The following ECT2L variants were observed in gnomAD, a reference collection of about 807,000 sequenced individuals.
ECT2L encodes the protein epithelial cell-transforming sequence 2 oncogene-like.
Under a neutral mutation model 122.8 loss-of-function variants are expected in ECT2L, and 126 were observed. The ratio of observed to expected loss-of-function variants is 1.03; its 90% CI spans 0.89 to 1.19. ECT2L has a LOEUF of 1.19. Among genes scored for constraint, ECT2L ranks in the 50% most tolerant of loss-of-function variants. The pLI, the probability that ECT2L is intolerant of heterozygous loss-of-function variation, is 0.00. For synonymous variants in ECT2L, 385 were observed against 381.8 expected, an observed-to-expected ratio of 1.01 and a Z score of -0.10; for missense variants, 1,012 against 1,064.1, an observed-to-expected ratio of 0.95 and a Z score of 0.68.
intron 16 of ECT2L, among the ~76,000 whole-genome samples, chr6:138,884,030 A>T (rs1467205908): frequency 1.3e-5 from 2 of 151,902 alleles, no homozygotes; most frequent in Admixed American, 6.6e-5. Flanking sequence ...CACCTGGCTA[A>T]TTTTTTTGTA....
intron 1 of ECT2L, among the ~76,000 whole-genome samples, chr6:138,799,411 G>A (rs1424354342): frequency 5.3e-5 from 8 of 151,886 alleles, no homozygotes; most frequent in Admixed American, 3.3e-4. Context: ...CCGCCACCAC[G>A]CCCGGCTTAT....
intron 1 of ECT2L, among the ~76,000 whole-genome samples, chr6:138,809,299 T>C (rs1016569233): frequency 1.2e-4 from 19 of 152,294 alleles, no homozygotes; most frequent in Admixed American, 8.5e-4. Flanking sequence ...GCGGGGCTCA[T>C]ACCTGTAATC....
At chr6:138,813,876 G>C (rs759430295) in intron 3 of ECT2L, among the ~76,000 whole-genome samples, 1 of 152,104 alleles carries the variant, frequency 6.6e-6, no homozygotes, top group African/African-American at 2.4e-5. Flanking sequence ...GACCAGGCTG[G>C]GACTAAAGCC....
chr6:138,886,270 T>G (rs1778817851), intron 18 of ECT2L, among the ~76,000 whole-genome samples: 1 of 152,042 alleles, frequency 6.6e-6, no homozygotes, highest in African/African-American at 2.4e-5. Context: ...CTGAAAATAT[T>G]ATTATTATAT....
intron 11 of ECT2L, among the ~76,000 whole-genome samples, chr6:138,863,950 C>T (rs1384100633): frequency 7.3e-6 from 1 of 137,292 alleles, no homozygotes; most frequent in African/African-American, 2.7e-5. Context: ...CTCTGCCTTC[C>T]TTTCCTCCTG....
chr6:138,834,898 C>CAT (rs1776769296), intron 4 of ECT2L, among the ~76,000 whole-genome samples: 1 of 101,484 alleles, frequency 9.9e-6, no homozygotes, highest in African/African-American at 4.7e-5. Context: ...CCCGTTTACA[C>CAT]ACACACACAC....
At position 138,878,278 on chromosome 6, in the gene ECT2L, T is replaced by A. The variant is rs111257328; in HGVS notation, c.1665+1720T>A. ...ATGAGAATTCTCCAATTGAACAAGG[T>A]ATGCAAGGATTTAGATACATATATA... On this transcript the variant is annotated intron_variant, in intron 14 of 21. Coordinates refer to ENST00000541398, the MANE Select transcript of ECT2L (RefSeq NM_001077706.3). Among the ~76,000 whole-genome samples, 528 of 150,320 alleles carry A rather than the reference T, an allele frequency of 3.5e-3. 5 individuals are homozygous for A. Among genetic ancestry groups the A allele is most frequent in the African/African-American group, 0.012 (504 of 40,684 alleles).
At chr6:138,865,815 A>G (rs1357463932) in intron 12 of ECT2L, among the ~76,000 whole-genome samples, 1 of 152,172 alleles carries the variant, frequency 6.6e-6, no homozygotes, top group Non-Finnish European at 1.5e-5. Flanking sequence ...GCAACTACTC[A>G]TATCTATTCA....
At chr6:138,858,035 G>A (rs1328642198) in intron 10 of ECT2L, among the ~76,000 whole-genome samples, 1 of 152,142 alleles carries the variant, frequency 6.6e-6, no homozygotes, top group Non-Finnish European at 1.5e-5. Context: ...ACGAGAAGAG[G>A]ATGGGGGAGA....
chr6:138,833,140 C>G lies in ECT2L; in HGVS notation c.180-5212C>G, dbSNP rs372820482. ...CCACCTCCATGATCCACTCACCCAC[C>G]ACCAGGTCCCTCCCTTGACATGTGG... On this transcript the variant is annotated intron_variant, in intron 4 of 21. Coordinates refer to ENST00000541398, the MANE Select transcript of ECT2L (RefSeq NM_001077706.3). Among the ~76,000 whole-genome samples, 43 of 152,242 alleles carry G rather than the reference C, an allele frequency of 2.8e-4. 2 individuals are homozygous for G. In the South Asian group the frequency reaches 8.5e-3, roughly 30 times the overall value.
At chr6:138,866,147 T>G in intron 12 of ECT2L, among the ~76,000 whole-genome samples, 1 of 133,696 alleles carries the variant, frequency 7.5e-6, no homozygotes, top group African/African-American at 2.8e-5. Context: ...GTATTTTTCA[T>G]AGTTTTTTTT....
chr6:138,886,981 T>G (rs7764840), intron 19 of ECT2L, 59 bp downstream of exon 19: 274,291 of 1,437,104 alleles, frequency 0.19, 28,795 homozygotes, highest in African/African-American at 0.41. Context: ...TCCAGTCTTT[T>G]GCAAAAGGAG....
chr6:138,892,462 C>T (rs1178973203), intron 20 of ECT2L, among the ~76,000 whole-genome samples: 1 of 152,116 alleles, frequency 6.6e-6, no homozygotes, highest in Non-Finnish European at 1.5e-5. Flanking sequence ...CTTGCCCTGT[C>T]TCTTCAGTCT....
intron 4 of ECT2L, among the ~76,000 whole-genome samples, chr6:138,835,526 T>A (rs899606330): frequency 6.7e-6 from 1 of 149,364 alleles, no homozygotes; most frequent in Non-Finnish European, 1.5e-5. Context: ...CCCTCCAGCC[T>A]GGGTGACAGA....
At chr6:138,813,728 A>C (rs1001300543) in intron 3 of ECT2L, among the ~76,000 whole-genome samples, 1 of 152,126 alleles carries the variant, frequency 6.6e-6, no homozygotes, top group South Asian at 2.1e-4. Context: ...GGATGGTTCC[A>C]TGTGGCCTGG....
chr6:138,833,704 A>G (rs1379781713), intron 4 of ECT2L, among the ~76,000 whole-genome samples: 1 of 152,168 alleles, frequency 6.6e-6, no homozygotes, highest in Admixed American at 6.5e-5. Context: ...CAGGAGGCTG[A>G]GACAGGAGAA....
intron 19 of ECT2L, among the ~76,000 whole-genome samples, chr6:138,887,427 C>T (rs1438172788): frequency 2.6e-5 from 4 of 151,990 alleles, no homozygotes; most frequent in African/African-American, 4.8e-5. Flanking sequence ...GGGGTTTCAC[C>T]GTGTTAGCCA....
chr6:138,825,315 C>T (rs1453504171), intron 4 of ECT2L, among the ~76,000 whole-genome samples: 2 of 152,178 alleles, frequency 1.3e-5, no homozygotes, highest in Non-Finnish European at 2.9e-5. Flanking sequence ...CGCGGTGGCT[C>T]ATGCCTGTAA....
intron 15 of ECT2L, 138 bp downstream of exon 15, chr6:138,881,309 C>T: frequency 2.4e-6 from 2 of 824,184 alleles, no homozygotes; most frequent in Admixed American, 2.4e-5. Flanking sequence ...GCGAGATCCT[C>T]ATCACATTAC....
Sources: gnomAD v4.1 joint callset for allele counts (sites outside exome capture counted in the v4.1 genomes callset) on GRCh38, gnomAD v4.1.1 for gene constraint, MANE v1.5 for transcripts, NCBI Gene and HGNC (gene_info 2026-07-23, HGNC 2026-07-21) for gene names.